Variants in RBMXL1 observed in about 807,000 individuals in gnomAD.
The protein encoded by RBMXL1 is RBMX like 1.
Under a neutral mutation model 29.0 loss-of-function variants are expected in RBMXL1, and 18 were observed. The observed-to-expected ratio is 0.62, with a 90% CI of 0.43 to 0.92. RBMXL1 has a LOEUF of 0.92. Among genes scored for constraint, RBMXL1 ranks in the 40% least tolerant of loss-of-function variants. The pLI is 0.00. For missense variants in RBMXL1, 403 were observed against 495.8 expected, an observed-to-expected ratio of 0.81 and a Z score of 1.78; for synonymous variants, 141 against 170.4, an observed-to-expected ratio of 0.83 and a Z score of 1.34.
chr1:88,986,639 T>C (rs978425173), intron 2 of RBMXL1, among the ~76,000 whole-genome samples: 4 of 152,102 alleles, frequency 2.6e-5, no homozygotes, highest in African/African-American at 9.7e-5. Flanking sequence ...TTAGAGAATA[T>C]GTAAAATGTT....
rs778740018 is a variant in RBMXL1, at chr1:88,983,527, TG to T, written c.299del (p.Pro100GlnfsTer37). The T allele has an allele frequency of 3.1e-6, 5 of 1,614,200 alleles. No homozygotes were observed. In the South Asian group the frequency reaches 5.5e-5, roughly 18 times the overall value. On this transcript the variant is annotated frameshift_variant, in exon 3 of 3. Coordinates refer to ENST00000652648, the MANE Select transcript of RBMXL1 (RefSeq NM_001162536.3). LOFTEE classifies it high-confidence loss of function. ...AACCTCTTGGAGGACCTCTACTTCT[TG>T]GAGGTGGGGGCGGTCCATGTCTACC... is the stretch of plus-strand genomic sequence containing the variant. ...ERGRHGPPPP[P>X]RSRGPPRGFG...
In RBMXL1 at chr1:88,982,898, T is replaced by G; in HGVS notation, c.929A>C (p.Tyr310Ser). ...PPPSYGGSSR[Y>S]DDYSSSRDGY... ...ATCACGTGAGCTGCTATAATCATCATAGCGACTGCTTCCACCATAAGATGG... is the reference window on the plus strand; with the variant it reads ...ATCACGTGAGCTGCTATAATCATCAGAGCGACTGCTTCCACCATAAGATGG... Residue 310 changes from tyrosine to serine, a missense_variant, in exon 3 of 3, where the codon TAT becomes TCT. Physicochemically the swap from Tyr to Ser is moderately radical, Grantham distance 144. Transcript: ENST00000652648. 6.2e-7 allele frequency: 1 copy of G among 1,614,006 alleles called. No homozygotes were observed. Among genetic ancestry groups the G allele is most frequent in the East Asian group, 2.2e-5 (1 of 44,878 alleles).
chr1:88,984,137 T>TA (rs1677292532), intron 2 of RBMXL1, 71 bp from the exon 3 acceptor site: 1 of 336,796 alleles, frequency 3.0e-6, no homozygotes, highest in Admixed American at 4.4e-5. Context: ...TGCTTAAAGA[T>TA]ACATAAAAAA....
chr1:88,984,981 C>T (rs1677362011), intron 2 of RBMXL1, among the ~76,000 whole-genome samples: 1 of 152,318 alleles, frequency 6.6e-6, no homozygotes, highest in South Asian at 2.1e-4. Context: ...AAATCTTTAG[C>T]ACATGTTCAT....
intron 1 of RBMXL1, 59 bp from the exon 2 acceptor site, chr1:88,988,410 CAG>C: frequency 1.1e-6 from 1 of 909,488 alleles, no homozygotes. Flanking sequence ...ACATCACTAT[CAG>C]ACACTTACAG....
intron 2 of RBMXL1, among the ~76,000 whole-genome samples, chr1:88,986,236 G>A (rs1677447557): frequency 6.6e-6 from 1 of 151,396 alleles, no homozygotes; most frequent in Non-Finnish European, 1.5e-5. Context: ...CCTTAAGGAA[G>A]GACAGACCTA....
chr1:88,991,403 A>C (rs1363164349), intron 1 of RBMXL1, among the ~76,000 whole-genome samples: 1 of 152,256 alleles, frequency 6.6e-6, no homozygotes, highest in Non-Finnish European at 1.5e-5. Context: ...TGAGGCAAAA[A>C]GGGCTACAGC....
intron 1 of RBMXL1, among the ~76,000 whole-genome samples, chr1:88,991,796 A>T (rs1367530735): frequency 6.6e-6 from 1 of 152,244 alleles, no homozygotes; most frequent in Non-Finnish European, 1.5e-5. Flanking sequence ...AGACTTGCTA[A>T]GGGCTGACCT....
Position 88,981,941 on chromosome 1 carries a change from C to T in RBMXL1, c.*713G>A. 2 of 981,658 alleles carry T rather than the reference C, an allele frequency of 2.0e-6. No individual in the cohort carries two copies. Among genetic ancestry groups the T allele is most frequent in the African/African-American group, 3.5e-5 (2 of 57,264 alleles). 60.8% of individuals were successfully genotyped at this position (981,658 alleles called of 1,614,324 possible). On this transcript the variant is annotated 3_prime_UTR_variant, in exon 3 of 3. Transcript: ENST00000652648. ...TTGCAAAAATTTGAAAGAGTAAGAG[C>T]AAGCACCTTTGCAGCTTCATGGTTG...
At chr1:88,984,881 T>C (rs900791734) in intron 2 of RBMXL1, among the ~76,000 whole-genome samples, 2 of 152,270 alleles carry the variant, frequency 1.3e-5, no homozygotes, top group African/African-American at 2.4e-5. Flanking sequence ...ATCCAATTCC[T>C]TTACTACATA....
At position 88,982,919 on chromosome 1, in the gene RBMXL1, G is replaced by C. The variant is rs1355720241; in HGVS notation, c.908C>G (p.Ser303Cys). The C allele has an allele frequency of 3.1e-6, 5 of 1,613,976 alleles. No individual in the cohort carries two copies. Among genetic ancestry groups the C allele is most frequent in the Non-Finnish European group, 4.2e-6 (5 of 1,179,890 alleles). ...ATCATAGCGACTGCTTCCACCATAA[G>C]ATGGCGGGGGCCCTCGTGTAAGTGG... ...SAPLTRGPPP[S>C]YGGSSRYDDY... The change falls in exon 3 of 3, where the codon TCT becomes TGT. Residue 303 changes from serine to cysteine, a missense_variant. By Grantham distance (112) the Ser-to-Cys change is moderately radical. Coordinates refer to ENST00000652648, the MANE Select transcript of RBMXL1 (RefSeq NM_001162536.3).
In RBMXL1 at chr1:88,987,107, C is replaced by T. The variant is rs78869971; in HGVS notation, c.-241+1145G>A. 6.8e-3 allele frequency among the ~76,000 whole-genome samples: 1,035 copies of T among 152,304 alleles called. 7 individuals carry two copies. Among genetic ancestry groups the T allele is most frequent in the African/African-American group, 0.024 (1,004 of 41,560 alleles). On this transcript the variant is annotated intron_variant, in intron 2 of 2. Transcript: ENST00000652648. ...GTCAGTGGTTTTTGCCTGGGACATA[C>T]ATCAGAATCAGCTGGAAAGATTTTT...
Position 88,982,756 on chromosome 1 carries a change from A to G in RBMXL1, c.1071T>C (p.Pro357=). 1 of 1,613,956 alleles carries G rather than the reference A, an allele frequency of 6.2e-7. No homozygotes were observed. Among genetic ancestry groups the G allele is most frequent in the Non-Finnish European group, 8.5e-7 (1 of 1,179,866 alleles). The part of the protein sequence containing the change: ...GLPPSVERGY[P]SSRDSYSSSS... Reference sequence around the variant, plus strand: ...AACTGCTGTAGGAATCACGTGAAGAAGGGTACCCCCTTTCTACAGAAGGGG... The same window carrying G: ...AACTGCTGTAGGAATCACGTGAAGAGGGGTACCCCCTTTCTACAGAAGGGG... Residue 357 remains proline (P), a synonymous_variant, in exon 3 of 3, where the codon CCT becomes CCC. Transcript: ENST00000652648.
rs1024330343 is a variant in RBMXL1, at chr1:88,983,624, T to C, written c.203A>G (p.Asp68Gly). 6.2e-7 allele frequency: 1 copy of C among 1,614,026 alleles called. No homozygotes were observed. The highest frequency in any genetic ancestry group is 8.5e-7 in the Non-Finnish European group (1 of 1,180,044). Residue 68 changes from aspartate (D) to glycine (G), a missense_variant, in exon 3 of 3, where the codon GAC (aspartate) becomes GGC (glycine). Asp to Gly is a moderately conservative substitution (Grantham distance 94). Coordinates refer to ENST00000652648, the MANE Select transcript of RBMXL1 (RefSeq NM_001162536.3). ...TCCATCTAATGACTTTCCATTCATGTCTCTGGCTGCATCCTTAGCGTCTGC... is the reference window on the plus strand; with the variant it reads ...TCCATCTAATGACTTTCCATTCATGCCTCTGGCTGCATCCTTAGCGTCTGC... ...SPADAKDAAR[D>G]MNGKSLDGKA...
In RBMXL1 at chr1:88,988,257, A is replaced by C. The variant is rs1164476458; in HGVS notation, c.-246T>G. ...TGTAAGTAAGCAATACCTACAGCAG[A>C]AGTAGAGAATCCGAGGATTTTGGAA... is the stretch of plus-strand genomic sequence containing the variant. On this transcript the variant is annotated 5_prime_UTR_variant, in exon 2 of 3. Transcript: ENST00000652648. 1 of 1,609,704 alleles carries C rather than the reference A, an allele frequency of 6.2e-7. No homozygotes were observed. The highest frequency in any genetic ancestry group is 1.7e-5 in the Admixed American group (1 of 60,018).
intron 1 of RBMXL1, among the ~76,000 whole-genome samples, chr1:88,989,962 T>C (rs1677690705): frequency 6.6e-6 from 1 of 152,186 alleles, no homozygotes; most frequent in Non-Finnish European, 1.5e-5. Context: ...CACTGCAGCA[T>C]TTCTACTATA....
rs1419159411 is a variant in RBMXL1, at chr1:88,980,555, A to G, written c.*2099T>C. 6.6e-6 allele frequency: 1 copy of G among 152,582 alleles called. No individual in the cohort carries two copies. Among genetic ancestry groups the G allele is most frequent in the Non-Finnish European group, 1.5e-5 (1 of 68,024 alleles). 9.5% of individuals were successfully genotyped at this position (152,582 alleles called of 1,614,324 possible). A position where few individuals can be genotyped will look rare whatever the true frequency, so the allele number is the denominator to read the frequency against. On this transcript the variant is annotated 3_prime_UTR_variant, in exon 3 of 3. Transcript: ENST00000652648. Reference sequence around the variant, plus strand: ...TTAAACAAGGAAAACATTTTCTAATATCATTCTGTTTTACAACCAGTATAA... The same window carrying G: ...TTAAACAAGGAAAACATTTTCTAATGTCATTCTGTTTTACAACCAGTATAA...
At chr1:88,992,133 CACG>C (rs1677840386) in intron 1 of RBMXL1, among the ~76,000 whole-genome samples, 1 of 152,044 alleles carries the variant, frequency 6.6e-6, no homozygotes, top group African/African-American at 2.4e-5. Flanking sequence ...CGCCCGCCAC[CACG>C]CCCGGCTAAT....
Position 88,981,170 on chromosome 1 carries a change from G to T in RBMXL1, c.*1484C>A, listed in dbSNP as rs1157940690. The T allele has an allele frequency of 6.6e-6, 1 of 152,152 alleles. No individual in the cohort carries two copies. The highest frequency in any genetic ancestry group is 1.5e-5 in the Non-Finnish European group (1 of 68,024). 9.4% of individuals were successfully genotyped at this position (152,152 alleles called of 1,614,324 possible). ...CAAGTGGCCCAATTGTTTCCAGTGTGTTTGCCATCTTAGCATGGTTGTTAC... is the reference window on the plus strand; with the variant it reads ...CAAGTGGCCCAATTGTTTCCAGTGTTTTTGCCATCTTAGCATGGTTGTTAC... On this transcript the variant is annotated 3_prime_UTR_variant, in exon 3 of 3. Coordinates refer to ENST00000652648, the MANE Select transcript of RBMXL1 (RefSeq NM_001162536.3).
Sources: gnomAD v4.1 joint callset for allele counts (sites outside exome capture counted in the v4.1 genomes callset) on GRCh38, gnomAD v4.1.1 for gene constraint, MANE v1.5 for transcripts, NCBI Gene and HGNC (gene_info 2026-07-23, HGNC 2026-07-21) for gene names.